The following MROH2B variants were observed in gnomAD, a reference collection of about 807,000 sequenced individuals.
MROH2B encodes maestro heat-like repeat-containing protein family member 2B.
MROH2B carries 177 observed loss-of-function variants against 208.6 expected under a neutral mutation model. The ratio of observed to expected loss-of-function variants is 0.85; its 90% CI spans 0.75 to 0.96. The LOEUF (loss-of-function observed/expected upper bound fraction) is 0.96. MROH2B is among the 40% of genes least tolerant of loss of function. The pLI, the probability that MROH2B is intolerant of heterozygous loss-of-function variation, is 0.00. For synonymous variants in MROH2B, 728 were observed against 659.0 expected (o/e 1.10, Z -1.60); for missense variants, 2,002 against 1,878.7 (o/e 1.07, Z -1.21).
At chr5:41,017,780 G>C in intron 28 of MROH2B, 70 bp downstream of exon 28, 1 of 1,496,906 alleles carries the variant, frequency 6.7e-7, no homozygotes. Flanking sequence ...AGGTGCATAA[G>C]GAGAAAAGCT....
intron 28 of MROH2B, among the ~76,000 whole-genome samples, chr5:41,017,618 G>A (rs1561281513): frequency 1.3e-5 from 2 of 151,856 alleles, no homozygotes; most frequent in Non-Finnish European, 2.9e-5. Context: ...TATAATTAAG[G>A]TATTAAAACA....
At position 41,069,720 on chromosome 5, in the gene MROH2B, T is replaced by C. The variant is rs1276104927; in HGVS notation, c.61A>G (p.Met21Val). 1.2e-6 allele frequency: 2 copies of C among 1,607,750 alleles called. No individual in the cohort carries two copies. Among genetic ancestry groups the C allele is most frequent in the Admixed American group, 1.7e-5 (1 of 59,388 alleles). The change falls in exon 2 of 42, where the codon ATG becomes GTG. Residue 21 changes from methionine (M) to valine (V), a missense_variant. Physicochemically the swap from Met to Val is conservative, Grantham distance 21. Coordinates refer to ENST00000399564, the MANE Select transcript of MROH2B (RefSeq NM_173489.5). Reference sequence around the variant, plus strand: ...TTAACAATATCTTCCTTGTTCAGCATGCCAAGAGTGAGGTTAATATCCCCA... The same window carrying C: ...TTAACAATATCTTCCTTGTTCAGCACGCCAAGAGTGAGGTTAATATCCCCA... ...MFGDINLTLG[M>V]LNKEDIVNKE... is the part of the protein sequence containing the mutation.
intron 37 of MROH2B, 107 bp downstream of exon 37, chr5:41,004,239 C>T: frequency 7.5e-7 from 1 of 1,337,234 alleles, no homozygotes. Context: ...CTGGGGCAGG[C>T]CAAGGAATAT....
At chr5:41,052,341 T>G in intron 12 of MROH2B, 124 bp downstream of exon 12, 1 of 884,448 alleles carries the variant, frequency 1.1e-6, no homozygotes, top group Non-Finnish European at 1.5e-6. Flanking sequence ...TTAAAATTTA[T>G]TTATTTATTT....
chr5:41,014,234 A>G (rs1741865106), intron 29 of MROH2B, among the ~76,000 whole-genome samples: 1 of 152,236 alleles, frequency 6.6e-6, no homozygotes, highest in Non-Finnish European at 1.5e-5. Flanking sequence ...ATGTTGTCTT[A>G]CATGAGGGTG....
At chr5:41,003,387 G>A (rs1367251582) in intron 37 of MROH2B, among the ~76,000 whole-genome samples, 5 of 152,046 alleles carry the variant, frequency 3.3e-5, no homozygotes, top group Admixed American at 1.3e-4. Flanking sequence ...GAATGCTGTG[G>A]GCATATATTA....
At chr5:41,020,209 T>C (rs887344223) in intron 24 of MROH2B, among the ~76,000 whole-genome samples, 1 of 152,062 alleles carries the variant, frequency 6.6e-6, no homozygotes, top group Non-Finnish European at 1.5e-5. Context: ...ATACTAAATA[T>C]ATTGGATTAA....
In MROH2B at chr5:41,064,531, G is replaced by C; in HGVS notation, c.401C>G (p.Thr134Ser). ...SIPFMMMTLL[T>S]MQTMLRLAED... ...GGCCAGCCTGAGCATGGTTTGCATG[G>C]TGAGCAGGGTCATCATCATGAAAGG... The change falls in exon 5 of 42, where the codon ACC becomes AGC. Residue 134 changes from threonine (T) to serine (S), a missense_variant. Physicochemically the swap from Thr to Ser is moderately conservative, Grantham distance 58. Coordinates refer to ENST00000399564, the MANE Select transcript of MROH2B (RefSeq NM_173489.5). 6.2e-7 allele frequency: 1 copy of C among 1,613,456 alleles called. No individual in the cohort carries two copies. The highest frequency in any genetic ancestry group is 2.2e-5 in the East Asian group (1 of 44,882).
At chr5:41,061,777 A>G in intron 5 of MROH2B, 53 bp from the exon 6 acceptor site, 5 of 1,537,754 alleles carry the variant, frequency 3.3e-6, no homozygotes, top group Non-Finnish European at 4.4e-6. Context: ...GATGGGGCAG[A>G]CGATAAAATA....
Position 41,014,552 on chromosome 5 carries a change from G to A in MROH2B, c.2982+829C>T, listed in dbSNP as rs113044727. Among the ~76,000 whole-genome samples the A allele has an allele frequency of 2.3e-3, 347 of 152,192 alleles. 1 individual carries two copies. The highest frequency in any genetic ancestry group is 7.8e-3 in the African/African-American group (322 of 41,508). On this transcript the variant is annotated intron_variant, in intron 29 of 41. Transcript: ENST00000399564. ...GTATACATATGCAACAAACCTGCAC[G>A]TTGTAAACATGTACCCTAGAACTTA... is the stretch of plus-strand genomic sequence containing the variant.
chr5:41,004,623 A>G (rs1579900102), intron 36 of MROH2B, 95 bp from the exon 37 acceptor site: 2 of 1,509,054 alleles, frequency 1.3e-6, no homozygotes, highest in African/African-American at 1.4e-5. Flanking sequence ...AAATTTTGTC[A>G]GGGTCACATG....
At chr5:41,034,651 T>A (rs1473008402) in intron 21 of MROH2B, among the ~76,000 whole-genome samples, 4 of 147,304 alleles carry the variant, frequency 2.7e-5, no homozygotes, top group Admixed American at 1.3e-4. Flanking sequence ...TTTAATTTTT[T>A]AAAAAAAGAT....
intron 31 of MROH2B, 76 bp downstream of exon 31, chr5:41,009,845 TC>T (rs1741718790): frequency 9.0e-6 from 13 of 1,438,184 alleles, no homozygotes; most frequent in Non-Finnish European, 1.2e-5. Context: ...TATCTTGCTC[TC>T]AAACCGTAAA....
At chr5:41,065,799 T>C (rs892537652) in intron 3 of MROH2B, among the ~76,000 whole-genome samples, 1 of 152,120 alleles carries the variant, frequency 6.6e-6, no homozygotes, top group Non-Finnish European at 1.5e-5. Context: ...TACCTCTGCT[T>C]TCCCAGCAAC....
chr5:41,047,784 T>TA lies in MROH2B; in HGVS notation c.1685-21dup. The TA allele has an allele frequency of 6.4e-7, 1 of 1,569,484 alleles. No individual in the cohort carries two copies. The highest frequency in any genetic ancestry group is 8.7e-7 in the Non-Finnish European group (1 of 1,155,736). On this transcript the variant is annotated intron_variant, in intron 16 of 41. Coordinates refer to ENST00000399564, the MANE Select transcript of MROH2B (RefSeq NM_173489.5). ...TCTTTCCTAGAAACAAAAATTGATGTAATAATCGCAAAAAAACAAAACCAC... is the reference window on the plus strand; with the variant it reads ...TCTTTCCTAGAAACAAAAATTGATGTAAATAATCGCAAAAAAACAAAACCAC...
chr5:41,002,982 T>A (rs1741449865), intron 37 of MROH2B, among the ~76,000 whole-genome samples: 1 of 149,520 alleles, frequency 6.7e-6, no homozygotes, highest in Admixed American at 6.7e-5. Flanking sequence ...TTTTTTGAGA[T>A]GGAGTTTCAC....
intron 28 of MROH2B, among the ~76,000 whole-genome samples, chr5:41,017,160 GCA>G (rs1288199816): frequency 1.1e-4 from 16 of 152,302 alleles, no homozygotes; most frequent in Admixed American, 7.2e-4. Flanking sequence ...CTGCAGAACT[GCA>G]CACACACAAC....
chr5:41,005,098 G>T, intron 35 of MROH2B, 178 bp from the exon 36 acceptor site: 1 of 770,274 alleles, frequency 1.3e-6, no homozygotes, highest in Non-Finnish European at 2.0e-6. Context: ...TATGAGCAGC[G>T]CACAGGTCAA....
At chr5:41,007,604 AT>A in intron 33 of MROH2B, 150 bp from the exon 34 acceptor site, 1 of 710,762 alleles carries the variant, frequency 1.4e-6, no homozygotes, top group Non-Finnish European at 2.0e-6. Context: ...CTATGCTCAC[AT>A]TTTAGCCTTG....
Sources: gnomAD v4.1 joint callset for allele counts (sites outside exome capture counted in the v4.1 genomes callset) on GRCh38, gnomAD v4.1.1 for gene constraint, MANE v1.5 for transcripts, NCBI Gene and HGNC (gene_info 2026-07-23, HGNC 2026-07-21) for gene names.